MSR1: variants seen among roughly 807,000 people sequenced by gnomAD.
MSR1 encodes the protein macrophage scavenger receptor 1.
A neutral mutation model predicts 47.2 loss-of-function variants in MSR1; 53 were observed. The observed-to-expected ratio is 1.12, with a 90% CI of 0.90 to 1.41. The LOEUF is 1.41. Among genes scored for constraint, MSR1 ranks in the 40% most tolerant of loss-of-function variants. The pLI is 0.00. For missense variants in MSR1, 786 were observed against 546.9 expected, an observed-to-expected ratio of 1.44 and a Z score of -4.36; for synonymous variants, 239 against 185.6, an observed-to-expected ratio of 1.29 and a Z score of -2.34.
At position 16,137,624 on chromosome 8, in the gene MSR1, A is replaced by T. The variant is rs1033627737; in HGVS notation, c.1033+5934T>A. Among the ~76,000 whole-genome samples the T allele has an allele frequency of 1.3e-5, 2 of 152,102 alleles. 1 individual carries two copies. Among genetic ancestry groups the T allele is most frequent in the Non-Finnish European group, 2.9e-5 (2 of 68,006 alleles). On this transcript the variant is annotated intron_variant, in intron 8 of 9. Transcript: ENST00000262101. ...CTTCCACTTATTAGCAGTAAGCCAC[A>T]GTTTATAATTCTAGAAATTGGGATA...
Position 16,120,461 on chromosome 8 carries a change from G to A in MSR1, c.1179C>T (p.Tyr393=), listed in dbSNP as rs1031434505. 6.2e-7 allele frequency: 1 copy of A among 1,613,698 alleles called. No homozygotes were observed. Among genetic ancestry groups the A allele is most frequent in the Non-Finnish European group, 8.5e-7 (1 of 1,179,898 alleles). Residue 393 remains tyrosine, a synonymous_variant, in exon 9 of 10, where the codon TAC becomes TAT. Transcript: ENST00000262101. ...VGQVVCRSLG[Y]PGVQAVHKAA... is the part of the protein sequence containing the mutation. Reference sequence around the variant, plus strand: ...CCTTGTGCACGGCTTGAACACCTGGGTATCCCAAGCTCCTACAGACGACCT... The same window carrying A: ...CCTTGTGCACGGCTTGAACACCTGGATATCCCAAGCTCCTACAGACGACCT...
chr8:16,183,688 T>G (rs1253239391), intron 1 of MSR1, among the ~76,000 whole-genome samples: 1 of 129,092 alleles, frequency 7.7e-6, no homozygotes, highest in Non-Finnish European at 1.6e-5. Context: ...AATATATATT[T>G]CCCAATTATA....
At chr8:16,161,425 C>G (rs1014084873) in intron 5 of MSR1, among the ~76,000 whole-genome samples, 8 of 152,024 alleles carry the variant, frequency 5.3e-5, no homozygotes, top group African/African-American at 1.7e-4. Flanking sequence ...GTGGAGGTAT[C>G]TAACTGTTAG....
chr8:16,175,894 ACTCT>A (rs1272785980), intron 2 of MSR1, among the ~76,000 whole-genome samples: 3 of 152,066 alleles, frequency 2.0e-5, no homozygotes, highest in East Asian at 1.9e-4. Flanking sequence ...AATGAAGCCC[ACTCT>A]CTCTATATTT....
intron 1 of MSR1, among the ~76,000 whole-genome samples, chr8:16,184,805 TA>T (rs1330436925): frequency 1.3e-5 from 2 of 152,050 alleles, no homozygotes; most frequent in East Asian, 2.0e-4. Flanking sequence ...ACCTTTGATT[TA>T]TTTTTTTTTA....
At chr8:16,163,416 G>GA (rs1355737663) in intron 5 of MSR1, among the ~76,000 whole-genome samples, 1 of 151,178 alleles carries the variant, frequency 6.6e-6, no homozygotes, top group African/African-American at 2.4e-5. Context: ...GCAAATGGTT[G>GA]AAATCAAAAT....
intron 5 of MSR1, among the ~76,000 whole-genome samples, chr8:16,163,703 TA>T (rs1186203879): frequency 6.6e-6 from 1 of 151,740 alleles, no homozygotes; most frequent in Non-Finnish European, 1.5e-5. Flanking sequence ...AAGTAAGAAA[TA>T]AAAAAGACTG....
intron 1 of MSR1, among the ~76,000 whole-genome samples, chr8:16,190,730 TTTG>T (rs1802175755): frequency 6.6e-6 from 1 of 150,670 alleles, no homozygotes; most frequent in Non-Finnish European, 1.5e-5. Context: ...TTTCTTTCTT[TTTG>T]TTTTTGAGAT....
rs1395352411 is a variant in MSR1 at position 16,109,219 on chromosome 8, A to G, written c.*866T>C. On this transcript the variant is annotated 3_prime_UTR_variant, in exon 10 of 10. Transcript: ENST00000262101. ...GTTGTAAATGTTGACTGACTTCATA[A>G]AAGACTCCAAACAGTTGAAACCACT... 1 of 141,514 alleles carries G rather than the reference A, an allele frequency of 7.1e-6. No homozygotes were observed. Among genetic ancestry groups the G allele is most frequent in the Non-Finnish European group, 1.5e-5 (1 of 66,378 alleles). 8.8% of individuals were successfully genotyped at this position (141,514 alleles called of 1,614,324 possible).
intron 2 of MSR1, among the ~76,000 whole-genome samples, 198 bp from the exon 3 acceptor site, chr8:16,175,498 T>C (rs1015259843): frequency 2.0e-5 from 3 of 152,206 alleles, no homozygotes; most frequent in Admixed American, 6.5e-5. Flanking sequence ...TATAGGCACT[T>C]GACTGACTTA....
rs541488742 is a variant in MSR1 at position 16,125,319 on chromosome 8, G to C, written c.1034-4713C>G. Among the ~76,000 whole-genome samples the C allele has an allele frequency of 1.2e-4, 19 of 152,300 alleles. No homozygotes were observed. The South Asian group carries it at 3.3e-3, about 27-fold the overall frequency. Reference sequence around the variant, plus strand: ...AATCTGCATGGGAAGGCAAATCACAGTGAGTGAACTCTTAGTTTAATTAAT... The same window carrying C: ...AATCTGCATGGGAAGGCAAATCACACTGAGTGAACTCTTAGTTTAATTAAT... On this transcript the variant is annotated intron_variant, in intron 8 of 9. Transcript: ENST00000262101.
At chr8:16,167,546 A>AAAACAAAC (rs35532101) in intron 4 of MSR1, among the ~76,000 whole-genome samples, 113 of 152,134 alleles carry the variant, frequency 7.4e-4, no homozygotes, top group African/African-American at 2.6e-3. Flanking sequence ...CTCCATCTCA[A>AAAACAAAC]AAACAAACAA....
At chr8:16,170,360 AC>A (rs1426026455) in intron 3 of MSR1, among the ~76,000 whole-genome samples, 1 of 147,080 alleles carries the variant, frequency 6.8e-6, no homozygotes, top group Non-Finnish European at 1.5e-5. Flanking sequence ...AAAAAAAAAA[AC>A]AAAACATGAA....
At chr8:16,127,766 G>A (rs1381363342) in intron 8 of MSR1, among the ~76,000 whole-genome samples, 1 of 152,154 alleles carries the variant, frequency 6.6e-6, no homozygotes, top group African/African-American at 2.4e-5. Context: ...GAAGCCATCT[G>A]TGGGAATTGT....
intron 9 of MSR1, among the ~76,000 whole-genome samples, chr8:16,115,054 C>T (rs1264473243): frequency 6.6e-6 from 1 of 151,968 alleles, no homozygotes; most frequent in Non-Finnish European, 1.5e-5. Flanking sequence ...TGGTGCATGC[C>T]TGTAATCCCA....
chr8:16,175,341 T>A (rs939937100), intron 2 of MSR1, 41 bp from the exon 3 acceptor site: 2 of 1,466,260 alleles, frequency 1.4e-6, no homozygotes, highest in Non-Finnish European at 1.9e-6. Flanking sequence ...TAGAAAGTGT[T>A]GTCTTCTTCC....
At chr8:16,121,663 A>C (rs2117064799) in intron 8 of MSR1, among the ~76,000 whole-genome samples, 1 of 151,782 alleles carries the variant, frequency 6.6e-6, no homozygotes, top group Admixed American at 6.6e-5. Context: ...ATTTTCTAAT[A>C]ATCATAAAAA....
chr8:16,174,370 T>G (rs957859003), intron 3 of MSR1, among the ~76,000 whole-genome samples: 1 of 152,202 alleles, frequency 6.6e-6, no homozygotes, highest in Non-Finnish European at 1.5e-5. Context: ...AGAGGAGAGC[T>G]ATAAGGCATA....
intron 5 of MSR1, among the ~76,000 whole-genome samples, chr8:16,160,052 G>C (rs1002197603): frequency 2.0e-5 from 3 of 151,308 alleles, no homozygotes; most frequent in African/African-American, 7.4e-5. Flanking sequence ...GACTAGTTAA[G>C]AGACACACTG....
Sources: allele counts gnomAD v4.1 joint callset (sites outside exome capture counted in the v4.1 genomes callset), GRCh38; gene constraint gnomAD v4.1.1; transcripts MANE v1.5; gene names NCBI Gene and HGNC (gene_info 2026-07-23, HGNC 2026-07-21).